The following GALNT2 variants were observed in gnomAD, a reference collection of about 807,000 sequenced individuals.
The protein encoded by GALNT2 is UDP-GalNAc:polypeptide N-acetylgalactosaminyltransferase 2.
Under a neutral mutation model 81.4 loss-of-function variants are expected in GALNT2, and 31 were observed. That is an observed-to-expected ratio of 0.38 (90% CI 0.29 to 0.51). The LOEUF is 0.51. Ranked by LOEUF, GALNT2 falls within the 20% of genes least tolerant of loss-of-function variation. The pLI, the probability that GALNT2 is intolerant of heterozygous loss-of-function variation, is 0.87. For missense variants in GALNT2, 629 were observed against 765.7 expected (o/e 0.82, Z 2.11); for synonymous variants, 303 against 287.4 (o/e 1.05, Z -0.55).
At chr1:230,269,250 A>G (rs1475986656) in intron 14 of GALNT2, among the ~76,000 whole-genome samples, 1 of 145,326 alleles carries the variant, frequency 6.9e-6, no homozygotes, top group Admixed American at 7.0e-5. Context: ...CAGTGGTGCA[A>G]TCTCGGCTCA....
In GALNT2 at chr1:230,275,161, T is replaced by G. The variant is rs1666261152; in HGVS notation, c.1560+597T>G. ...CATATACATATATACACACCACATA[T>G]ACATATACCTGCCACATATATACAT... On this transcript the variant is annotated intron_variant, in intron 15 of 15. Coordinates refer to ENST00000366672, the MANE Select transcript of GALNT2 (RefSeq NM_004481.5). The surrounding 1 kb of genome is among the most constrained non-coding windows in gnomAD (Gnocchi z 5.5). Among the ~76,000 whole-genome samples, 1 of 151,200 alleles carries G rather than the reference T, an allele frequency of 6.6e-6. No homozygotes were observed.
chr1:230,127,089 A>G lies in GALNT2; in HGVS notation c.127-51129A>G, dbSNP rs1244829934. Among the ~76,000 whole-genome samples, 6 of 152,282 alleles carry G rather than the reference A, an allele frequency of 3.9e-5. No individual in the cohort carries two copies. The East Asian group carries it at 9.7e-4, about 25-fold the overall frequency. On this transcript the variant is annotated intron_variant, in intron 1 of 15. Coordinates refer to ENST00000366672, the MANE Select transcript of GALNT2 (RefSeq NM_004481.5). ...TGCTTTTAGCACCTGGGGAAAACCC[A>G]TTAAACAAACGTCCCCCCCTCCCAT...
At chr1:230,166,960 G>A (rs1662622186) in intron 1 of GALNT2, among the ~76,000 whole-genome samples, 2 of 152,182 alleles carry the variant, frequency 1.3e-5, no homozygotes, top group African/African-American at 4.8e-5. Flanking sequence ...TACCTGGGCT[G>A]TACTGCCAAG....
intron 2 of GALNT2, among the ~76,000 whole-genome samples, chr1:230,202,738 T>C (rs1558138061): frequency 1.3e-5 from 2 of 152,262 alleles, no homozygotes; most frequent in South Asian, 4.1e-4. Context: ...GAATACCTTA[T>C]GTGCAGTTTA....
intron 1 of GALNT2, among the ~76,000 whole-genome samples, chr1:230,164,015 T>G (rs1015154223): frequency 8.5e-5 from 13 of 152,168 alleles, no homozygotes; most frequent in African/African-American, 3.1e-4. Context: ...GCTCTTGACT[T>G]TGTTTTTTTT....
chr1:230,236,220 C>G, intron 4 of GALNT2, 108 bp downstream of exon 4: 1 of 1,359,274 alleles, frequency 7.4e-7, no homozygotes, highest in Non-Finnish European at 1.0e-6. Context: ...GGTCTCCTGA[C>G]TGCTCAGCAC....
At chr1:230,103,494 T>G (rs1463008117) in intron 1 of GALNT2, among the ~76,000 whole-genome samples, 1 of 152,236 alleles carries the variant, frequency 6.6e-6, no homozygotes, top group Non-Finnish European at 1.5e-5. Context: ...ATCTTCAGCC[T>G]TGGTGGTTGG....
chr1:230,279,690 C>T lies in GALNT2; in HGVS notation c.*232C>T, dbSNP rs1299567451. 5.1e-6 allele frequency: 3 copies of T among 584,346 alleles called. No homozygotes were observed. The Admixed American group carries it at 8.1e-5, about 16-fold the overall frequency. 36.2% of individuals were successfully genotyped at this position (584,346 alleles called of 1,614,324 possible). ...CGGTGCAGCCCAGCCGGGCCCCCTT[C>T]CCCAGGCCGGAGCGCCCCTCTTCCT... On this transcript the variant is annotated 3_prime_UTR_variant, in exon 16 of 16. Transcript: ENST00000366672. This position sits in a 1 kb window ranked among gnomAD's most constrained non-coding sequence, Gnocchi z 4.6.
chr1:230,122,554 A>G (rs1041575874), intron 1 of GALNT2, among the ~76,000 whole-genome samples: 3 of 152,128 alleles, frequency 2.0e-5, no homozygotes, highest in African/African-American at 7.2e-5. Context: ...TTTTCCCCCC[A>G]GGGATAAGGA....
At position 230,193,408 on chromosome 1, in the gene GALNT2, C is replaced by T. The variant is rs1469532748; in HGVS notation, c.221-9729C>T. On this transcript the variant is annotated intron_variant, in intron 2 of 15. Transcript: ENST00000366672. The surrounding 1 kb of genome is among the most constrained non-coding windows in gnomAD (Gnocchi z 4.3). ...TCCTGATCTGCTGCTGAAGGACAGT[C>T]GCAACTGAGAGTCCTCTAAAGACCG... Among the ~76,000 whole-genome samples the T allele has an allele frequency of 6.6e-6, 1 of 152,106 alleles. No individual in the cohort carries two copies. Among genetic ancestry groups the T allele is most frequent in the African/African-American group, 2.4e-5 (1 of 41,410 alleles).
intron 1 of GALNT2, among the ~76,000 whole-genome samples, chr1:230,165,086 A>G (rs969931371): frequency 1.3e-5 from 2 of 152,228 alleles, no homozygotes; most frequent in African/African-American, 4.8e-5. Context: ...TAAATTTTTA[A>G]AACTATTCAA....
At chr1:230,254,223 C>G (rs990690206) in intron 10 of GALNT2, among the ~76,000 whole-genome samples, 1 of 152,158 alleles carries the variant, frequency 6.6e-6, no homozygotes, top group Non-Finnish European at 1.5e-5. Context: ...GGGCAGGTAC[C>G]TGGTTGGAAG....
At chr1:230,214,186 C>T (rs536151710) in intron 3 of GALNT2, among the ~76,000 whole-genome samples, 1 of 151,396 alleles carries the variant, frequency 6.6e-6, no homozygotes, top group East Asian at 1.9e-4. Flanking sequence ...GATCTAAGCT[C>T]ACTGCAACCT....
chr1:230,189,474 T>A (rs1262336149), intron 2 of GALNT2, among the ~76,000 whole-genome samples: 1 of 152,234 alleles, frequency 6.6e-6, no homozygotes, highest in Non-Finnish European at 1.5e-5. Flanking sequence ...CCACTGATCC[T>A]AACAGAGACG....
At chr1:230,277,191 C>T (rs1258034836) in intron 15 of GALNT2, among the ~76,000 whole-genome samples, 2 of 152,098 alleles carry the variant, frequency 1.3e-5, no homozygotes, top group African/African-American at 4.8e-5. Context: ...AACCCCAAGA[C>T]TCAGGCTATT....
chr1:230,125,675 G>C (rs1357898289), intron 1 of GALNT2, among the ~76,000 whole-genome samples: 1 of 142,166 alleles, frequency 7.0e-6, no homozygotes, highest in African/African-American at 2.6e-5. Flanking sequence ...TTTGGCAGCT[G>C]CCTTCAGGCA....
intron 1 of GALNT2, among the ~76,000 whole-genome samples, chr1:230,075,121 CT>C (rs34482749): frequency 0.011 from 1,002 of 92,572 alleles, 8 homozygotes; most frequent in African/African-American, 0.041. Flanking sequence ...GTCTGTTTTG[CT>C]TTTTTTTTTT....
At chr1:230,108,469 G>A (rs1304589724) in intron 1 of GALNT2, among the ~76,000 whole-genome samples, 2 of 152,176 alleles carry the variant, frequency 1.3e-5, no homozygotes, top group African/African-American at 4.8e-5. Context: ...TCAACTTACA[G>A]TGGCTTTACC....
chr1:230,122,541 A>T (rs1661048696), intron 1 of GALNT2, among the ~76,000 whole-genome samples: 1 of 152,088 alleles, frequency 6.6e-6, no homozygotes, highest in African/African-American at 2.4e-5. Flanking sequence ...CTTTTTGACA[A>T]AATTTTCCCC....
Sources: allele counts gnomAD v4.1 joint callset (sites outside exome capture counted in the v4.1 genomes callset), GRCh38; gene constraint gnomAD v4.1.1; non-coding constraint Gnocchi (gnomAD v3.1); transcripts MANE v1.5; gene names NCBI Gene and HGNC (gene_info 2026-07-23, HGNC 2026-07-21).